The following TBC1D1 variants were observed in gnomAD, a reference collection of about 807,000 sequenced individuals.
TBC1D1 encodes TBC1 domain family member 1.
Under a neutral mutation model 125.6 loss-of-function variants are expected in TBC1D1, and 89 were observed. The ratio of observed to expected loss-of-function variants is 0.71; its 90% CI spans 0.60 to 0.85. TBC1D1 has a LOEUF of 0.85. Among genes scored for constraint, TBC1D1 ranks in the 40% least tolerant of loss-of-function variants. The pLI is 0.00. For synonymous variants in TBC1D1, 565 were observed against 564.1 expected, an observed-to-expected ratio of 1.00 and a Z score of -0.02; for missense variants, 1,377 against 1,469.2, an observed-to-expected ratio of 0.94 and a Z score of 1.03.
chr4:37,925,942 G>A (rs1334753516), intron 2 of TBC1D1, among the ~76,000 whole-genome samples: 1 of 152,138 alleles, frequency 6.6e-6, no homozygotes. Flanking sequence ...ATCTACTTTT[G>A]ACAGATTTAA....
At chr4:38,135,345 G>A (rs1211951985) in intron 19 of TBC1D1, among the ~76,000 whole-genome samples, 4 of 152,166 alleles carry the variant, frequency 2.6e-5, no homozygotes, top group South Asian at 2.1e-4. Context: ...TTGCATAGAC[G>A]TGCCAGATGG....
chr4:37,959,870 C>G (rs1244230107), intron 2 of TBC1D1, among the ~76,000 whole-genome samples: 1 of 152,166 alleles, frequency 6.6e-6, no homozygotes, highest in Non-Finnish European at 1.5e-5. Context: ...CTCTCCCCAC[C>G]ACTGCATGCT....
At chr4:38,130,469 T>G (rs1420986745) in intron 18 of TBC1D1, among the ~76,000 whole-genome samples, 1 of 152,224 alleles carries the variant, frequency 6.6e-6, no homozygotes, top group Non-Finnish European at 1.5e-5. Context: ...AGAAATTTTC[T>G]TCAGTACCAA....
At chr4:38,031,945 G>A (rs575973687) in intron 7 of TBC1D1, among the ~76,000 whole-genome samples, 1 of 152,314 alleles carries the variant, frequency 6.6e-6, no homozygotes, top group South Asian at 2.1e-4. Context: ...ATATAGAAAA[G>A]CAAACAAATC....
At chr4:38,112,369 T>C (rs1441154984) in intron 15 of TBC1D1, among the ~76,000 whole-genome samples, 1 of 152,264 alleles carries the variant, frequency 6.6e-6, no homozygotes, top group East Asian at 1.9e-4. Flanking sequence ...TAATTTATTT[T>C]GCATTTGTGC....
intron 14 of TBC1D1, 86 bp downstream of exon 16, chr4:38,096,176 A>G (rs1759304120): frequency 9.1e-7 from 1 of 1,103,602 alleles, no homozygotes; most frequent in Non-Finnish European, 1.3e-6. Context: ...AGTCAAGTCT[A>G]ATTTTAGTGG....
intron 7 of TBC1D1, among the ~76,000 whole-genome samples, chr4:38,029,254 G>A (rs1745671119): frequency 1.3e-5 from 2 of 152,234 alleles, no homozygotes; most frequent in Middle Eastern, 3.4e-3. Context: ...AAACAAGACA[G>A]CTAGCAACTG....
chr4:37,902,525 G>C lies in TBC1D1; in HGVS notation c.417+13G>C. 1 of 1,575,990 alleles carries C rather than the reference G, an allele frequency of 6.3e-7. No individual in the cohort carries two copies. The highest frequency in any genetic ancestry group is 8.6e-7 in the Non-Finnish European group (1 of 1,160,014). On this transcript the variant is annotated intron_variant, in intron 2 of 19. Transcript: ENST00000261439. ...TGATCAAACAAAAGTAAGTGAGATG[G>C]AGATCCAAAAGACTAAGGTGTGGCT...
intron 2 of TBC1D1, among the ~76,000 whole-genome samples, chr4:37,997,761 C>T (rs968865883): frequency 1.3e-5 from 2 of 151,850 alleles, no homozygotes. Context: ...GAAATAACAG[C>T]TGTTCATATA....
chr4:37,935,229 G>A (rs1010100593), intron 2 of TBC1D1, among the ~76,000 whole-genome samples: 1 of 152,110 alleles, frequency 6.6e-6, no homozygotes, highest in Non-Finnish European at 1.5e-5. Context: ...CTACTCCCAC[G>A]ACCTCAGTAA....
intron 2 of TBC1D1, among the ~76,000 whole-genome samples, chr4:37,907,212 A>G (rs1358624987): frequency 1.3e-5 from 2 of 152,248 alleles, no homozygotes; most frequent in African/African-American, 4.8e-5. Flanking sequence ...GCTACATAGT[A>G]GGAAAATGGA....
intron 2 of TBC1D1, among the ~76,000 whole-genome samples, chr4:37,920,062 G>T (rs1720615945): frequency 6.6e-6 from 1 of 152,200 alleles, no homozygotes; most frequent in Non-Finnish European, 1.5e-5. Context: ...GCAGTGAGCC[G>T]AGATAACGCC....
chr4:37,997,130 A>G (rs569263744), intron 2 of TBC1D1, among the ~76,000 whole-genome samples: 2 of 152,382 alleles, frequency 1.3e-5, no homozygotes, highest in South Asian at 4.1e-4. Flanking sequence ...AAGAGTATTT[A>G]TCTGGTTAAC....
At chr4:37,955,981 A>G (rs1372476626) in intron 2 of TBC1D1, among the ~76,000 whole-genome samples, 1 of 152,112 alleles carries the variant, frequency 6.6e-6, no homozygotes, top group Non-Finnish European at 1.5e-5. Flanking sequence ...TATTTAAAAA[A>G]TAAAAAATAA....
chr4:37,962,268 T>C (rs531561752), intron 2 of TBC1D1, among the ~76,000 whole-genome samples: 1 of 152,354 alleles, frequency 6.6e-6, no homozygotes, highest in South Asian at 2.1e-4. Context: ...CCAGAAGAAC[T>C]AAATTTCATC....
chr4:38,113,015 A>G (rs1039276725), intron 15 of TBC1D1, among the ~76,000 whole-genome samples: 2 of 152,214 alleles, frequency 1.3e-5, no homozygotes, highest in African/African-American at 4.8e-5. Context: ...ATTTGGCCCA[A>G]GGTTTGCCTT....
At chr4:38,132,802 G>GT (rs61642658) in intron 18 of TBC1D1, 16,424 of 165,238 alleles carry the variant, frequency 0.099, 646 homozygotes, top group Admixed American at 0.15. Context: ...AAAATGAGAG[G>GT]TTTTTTTTTT....
At chr4:38,118,266 G>A in intron 17 of TBC1D1, 74 bp downstream of exon 19, 1 of 1,516,870 alleles carries the variant, frequency 6.6e-7, no homozygotes, top group Non-Finnish European at 9.1e-7. Flanking sequence ...GTCTCTCCGT[G>A]GTGATTCTTA....
At chr4:37,980,240 T>A (rs1452985386) in intron 2 of TBC1D1, among the ~76,000 whole-genome samples, 3 of 152,112 alleles carry the variant, frequency 2.0e-5, no homozygotes, top group African/African-American at 4.8e-5. Flanking sequence ...GATGTACTTT[T>A]AAAAAAAATT....
Sources: gnomAD v4.1 joint callset for allele counts (sites outside exome capture counted in the v4.1 genomes callset) on GRCh38, gnomAD v4.1.1 for gene constraint, MANE v1.5 for transcripts, NCBI Gene and HGNC (gene_info 2026-07-23, HGNC 2026-07-21) for gene names.